The following FBXW7 variants were observed in gnomAD, a reference collection of about 807,000 sequenced individuals.
FBXW7 encodes the protein F-box/WD repeat-containing protein 7.
A neutral mutation model predicts 86.3 loss-of-function variants in FBXW7; 11 were observed. That is an observed-to-expected ratio of 0.13 (90% CI 0.08 to 0.21). FBXW7 has a LOEUF of 0.21. Ranked by LOEUF, FBXW7 falls within the 10% of genes least tolerant of loss-of-function variation. FBXW7 has a pLI of 1.00. For missense variants in FBXW7, 488 were observed against 847.4 expected (o/e 0.58, Z 5.27); for synonymous variants, 313 against 297.9 (o/e 1.05, Z -0.52).
rs113564477 is a variant in FBXW7 at position 152,376,556 on chromosome 4, G to A, written c.502-26432C>T. On this transcript the variant is annotated intron_variant, in intron 4 of 13. Coordinates refer to ENST00000281708, the MANE Select transcript of FBXW7 (RefSeq NM_001349798.2). ...TATACATACAAAAACAACAAATTAG[G>A]TTATGGACTAATTTGTTATGAGAAT... Among the ~76,000 whole-genome samples the A allele has an allele frequency of 2.0e-5, 3 of 152,046 alleles. No homozygotes were observed. In the South Asian group the frequency reaches 6.2e-4, roughly 32 times the overall value.
chr4:152,353,444 A>G (rs34142118), intron 4 of FBXW7, among the ~76,000 whole-genome samples: 20 of 152,296 alleles, frequency 1.3e-4, no homozygotes, highest in African/African-American at 4.3e-4. Flanking sequence ...TTTAAAACAT[A>G]GTAATTTTCA....
chr4:152,500,280 T>G (rs1746800733), intron 2 of FBXW7, among the ~76,000 whole-genome samples: 1 of 152,110 alleles, frequency 6.6e-6, no homozygotes. Flanking sequence ...TTTTTAGGCA[T>G]TCAACTTCAT....
At chr4:152,511,308 C>CCCA (rs1390571760) in intron 2 of FBXW7, among the ~76,000 whole-genome samples, 1 of 139,302 alleles carries the variant, frequency 7.2e-6, no homozygotes, top group Non-Finnish European at 1.6e-5. Context: ...CCCACCGAAT[C>CCCA]CCACCATGCC....
intron 2 of FBXW7, among the ~76,000 whole-genome samples, chr4:152,460,494 A>T (rs1189259429): frequency 6.6e-6 from 1 of 152,178 alleles, no homozygotes; most frequent in Non-Finnish European, 1.5e-5. Context: ...TCCTTTAGAA[A>T]TGCTTGCAAT....
intron 4 of FBXW7, among the ~76,000 whole-genome samples, chr4:152,409,871 T>A (rs1238407177): frequency 6.6e-6 from 1 of 152,148 alleles, no homozygotes; most frequent in Admixed American, 6.5e-5. Flanking sequence ...ACAATAATTG[T>A]TATTCATGAT....
At chr4:152,522,172 A>C (rs1253291486) in intron 2 of FBXW7, among the ~76,000 whole-genome samples, 1 of 152,172 alleles carries the variant, frequency 6.6e-6, no homozygotes, top group Non-Finnish European at 1.5e-5. Context: ...TTTTAAGTGT[A>C]CGTTTGACTT....
intron 13 of FBXW7, 21 bp downstream of exon 13, chr4:152,324,163 C>G (rs545096663): frequency 6.3e-7 from 1 of 1,583,762 alleles, no homozygotes; most frequent in Non-Finnish European, 8.7e-7. Context: ...ATGAACAAAA[C>G]GAAAGGTGAG....
chr4:152,367,567 T>G (rs1733606623), intron 4 of FBXW7, among the ~76,000 whole-genome samples: 1 of 152,128 alleles, frequency 6.6e-6, no homozygotes, highest in Non-Finnish European at 1.5e-5. Context: ...TTCACTTTGG[T>G]TTTGTGAATA....
chr4:152,445,918 A>T (rs1282190664), intron 2 of FBXW7, among the ~76,000 whole-genome samples: 1 of 55,112 alleles, frequency 1.8e-5, no homozygotes, highest in African/African-American at 1.6e-4. Flanking sequence ...TTTAAAAAAA[A>T]AAAAAAAAAA....
intron 4 of FBXW7, among the ~76,000 whole-genome samples, chr4:152,372,739 T>C (rs1734112114): frequency 6.6e-6 from 1 of 152,056 alleles, no homozygotes; most frequent in Non-Finnish European, 1.5e-5. Context: ...ACTTAGTTTA[T>C]ATTTACAAAT....
At chr4:152,337,569 G>C in intron 7 of FBXW7, 1 of 381,232 alleles carries the variant, frequency 2.6e-6, no homozygotes, top group Non-Finnish European at 4.7e-6. Flanking sequence ...TCACATATAT[G>C]ACTTATTCAA....
At position 152,334,834 on chromosome 4, in the gene FBXW7, G is replaced by A. The variant is rs534530016; in HGVS notation, c.862-2115C>T. Among the ~76,000 whole-genome samples the A allele has an allele frequency of 8.8e-4, 134 of 152,162 alleles. 1 individual carries two copies. The highest frequency in any genetic ancestry group is 2.6e-3 in the African/African-American group (108 of 41,496). On this transcript the variant is annotated intron_variant, in intron 7 of 13. Transcript: ENST00000281708. ...AGATACTAACTCAACCAAGAACTTC[G>A]ACTTATTAAATGTTTGCCTATTTAC...
chr4:152,481,908 T>C (rs559716573), intron 2 of FBXW7, among the ~76,000 whole-genome samples: 1 of 152,336 alleles, frequency 6.6e-6, no homozygotes, highest in East Asian at 1.9e-4. Context: ...TGAACATCAT[T>C]GAAATAATAA....
At chr4:152,531,401 A>G (rs575597336) in intron 2 of FBXW7, among the ~76,000 whole-genome samples, 1 of 152,278 alleles carries the variant, frequency 6.6e-6, no homozygotes, top group African/African-American at 2.4e-5. Flanking sequence ...GAAGTCAGAG[A>G]AGCTACTAGG....
chr4:152,513,991 T>A (rs980363394), intron 2 of FBXW7, among the ~76,000 whole-genome samples: 21 of 152,242 alleles, frequency 1.4e-4, no homozygotes, highest in African/African-American at 4.8e-4. Context: ...ATTTCAAAGA[T>A]TTAGTATTAA....
chr4:152,469,509 A>AC (rs1395198484), intron 2 of FBXW7, among the ~76,000 whole-genome samples: 1 of 152,120 alleles, frequency 6.6e-6, no homozygotes, highest in Non-Finnish European at 1.5e-5. Context: ...ATAGACCCTG[A>AC]CCACAGTATT....
chr4:152,513,798 C>T (rs1579401585), intron 2 of FBXW7, among the ~76,000 whole-genome samples: 2 of 152,356 alleles, frequency 1.3e-5, no homozygotes, highest in Admixed American at 1.3e-4. Flanking sequence ...AAGCCCTAAC[C>T]TATGAGAGTC....
chr4:152,399,808 G>C (rs1024991576), intron 4 of FBXW7, among the ~76,000 whole-genome samples: 1 of 152,042 alleles, frequency 6.6e-6, no homozygotes, highest in African/African-American at 2.4e-5. Context: ...AATCAAAGAA[G>C]AACTAAATAA....
At chr4:152,473,422 C>A (rs1462454128) in intron 2 of FBXW7, among the ~76,000 whole-genome samples, 1 of 152,136 alleles carries the variant, frequency 6.6e-6, no homozygotes, top group African/African-American at 2.4e-5. Context: ...AAGTACTCGG[C>A]CCTGTTGCTT....
Sources: gnomAD v4.1 joint callset for allele counts (sites outside exome capture counted in the v4.1 genomes callset) on GRCh38, gnomAD v4.1.1 for gene constraint, MANE v1.5 for transcripts, NCBI Gene and HGNC (gene_info 2026-07-23, HGNC 2026-07-21) for gene names.